The following BRIP1 variants were observed in gnomAD, a reference collection of about 807,000 sequenced individuals.
BRIP1 encodes Fanconi anemia group J protein.
BRIP1 carries 88 observed loss-of-function variants against 119.7 expected under a neutral mutation model. That is an observed-to-expected ratio of 0.74 (90% CI 0.62 to 0.88). The LOEUF is 0.88. Among genes scored for constraint, BRIP1 ranks in the 40% least tolerant of loss-of-function variants. The probability of loss-of-function intolerance (pLI) is 0.00; values close to 1 mark genes in which losing one functional copy is unlikely to be tolerated. For synonymous variants in BRIP1, 443 were observed against 496.5 expected (o/e 0.89, Z 1.43); for missense variants, 1,259 against 1,455.4 (o/e 0.87, Z 2.20).
intron 17 of BRIP1, among the ~76,000 whole-genome samples, chr17:61,707,928 C>A (rs1311695394): frequency 6.6e-6 from 1 of 151,356 alleles, no homozygotes; most frequent in African/African-American, 2.4e-5. Context: ...CTCACTGCAA[C>A]CTCCGCCTCC....
chr17:61,693,652 A>G lies in BRIP1; in HGVS notation c.2493-140T>C. Reference sequence around the variant, plus strand: ...TTTGTTATTATCAGAAAAGTTACAGAAGCTATCCAACACAATGTAACAAAC... The same window carrying G: ...TTTGTTATTATCAGAAAAGTTACAGGAGCTATCCAACACAATGTAACAAAC... On this transcript the variant is annotated intron_variant, in intron 17 of 19. Transcript: ENST00000259008. This position sits in a 1 kb window ranked among gnomAD's most constrained non-coding sequence, Gnocchi z 4.2. 1 of 723,552 alleles carries G rather than the reference A, an allele frequency of 1.4e-6. No individual in the cohort carries two copies. Among genetic ancestry groups the G allele is most frequent in the Non-Finnish European group, 2.4e-6 (1 of 425,254 alleles). 44.8% of individuals were successfully genotyped at this position (723,552 alleles called of 1,614,324 possible).
rs942015802 is a variant in BRIP1, at chr17:61,805,432, T to C, written c.918+3035A>G. On this transcript the variant is annotated intron_variant, in intron 7 of 19. Transcript: ENST00000259008. The surrounding 1 kb of genome is among the most constrained non-coding windows in gnomAD (Gnocchi z 5.6). ...CTTTCTCTAACCTCTACTGTTCTTA[T>C]TCTTCATACTGTGTCAACTTCTCCC... 1.3e-5 allele frequency among the ~76,000 whole-genome samples: 2 copies of C among 152,232 alleles called. No homozygotes were observed. Among genetic ancestry groups the C allele is most frequent in the African/African-American group, 4.8e-5 (2 of 41,468 alleles).
At chr17:61,836,743 C>T (rs569903783) in intron 6 of BRIP1, among the ~76,000 whole-genome samples, 1 of 152,064 alleles carries the variant, frequency 6.6e-6, no homozygotes, top group Non-Finnish European at 1.5e-5. Context: ...TTTGGGTAAG[C>T]ATTGTAAATG....
At position 61,686,802 on chromosome 17, in the gene BRIP1, A is replaced by G. The variant is rs2061371586; in HGVS notation, c.2576-637T>C. 6.6e-6 allele frequency among the ~76,000 whole-genome samples: 1 copy of G among 152,104 alleles called. No homozygotes were observed. Among genetic ancestry groups the G allele is most frequent in the Non-Finnish European group, 1.5e-5 (1 of 68,002 alleles). On this transcript the variant is annotated intron_variant, in intron 18 of 19. Transcript: ENST00000259008. This position sits in a 1 kb window ranked among gnomAD's most constrained non-coding sequence, Gnocchi z 5.4. ...GACATAAAAACTGCACAAAAATGAA[A>G]CCTAAGAGTTTAAGGTGTTTTCTAG... is the stretch of plus-strand genomic sequence containing the variant.
In BRIP1 at chr17:61,846,989, G is replaced by A. The variant is rs1034598319; in HGVS notation, c.627+112C>T. ...ATGTGACAGCATTGAGGACTTCTGA[G>A]TGGGTTGCTACTGTCCTTTGTATTA... is the stretch of plus-strand genomic sequence containing the variant. On this transcript the variant is annotated intron_variant, in intron 6 of 19. Transcript: ENST00000259008. This position sits in a 1 kb window ranked among gnomAD's most constrained non-coding sequence, Gnocchi z 4.3. 3.0e-6 allele frequency: 4 copies of A among 1,319,182 alleles called. No homozygotes were observed. Among genetic ancestry groups the A allele is most frequent in the Non-Finnish European group, 4.3e-6 (4 of 933,920 alleles). The allele number at this position is 1,319,182 out of a possible 1,614,324, so 81.7% of individuals were successfully genotyped here. A position where few individuals can be genotyped will look rare whatever the true frequency, so the allele number is the denominator to read the frequency against.
chr17:61,715,511 G>T (rs1317851910), intron 17 of BRIP1, among the ~76,000 whole-genome samples: 1 of 152,098 alleles, frequency 6.6e-6, no homozygotes, highest in African/African-American at 2.4e-5. Context: ...CGTACTGAAA[G>T]TACACTTTCA....
rs749241125 is a variant in BRIP1 at position 61,780,210 on chromosome 17, T to A, written c.1935+51A>T. On this transcript the variant is annotated intron_variant, in intron 13 of 19. Transcript: ENST00000259008. The surrounding 1 kb of genome is among the most constrained non-coding windows in gnomAD (Gnocchi z 5.4). ...ATCTTCTAACTTGTTTACATAGTTA[T>A]ATTGAAGTAGAAACACTGAAGGCCT... The A allele has an allele frequency of 1.3e-6, 2 of 1,555,114 alleles. No homozygotes were observed. Among genetic ancestry groups the A allele is most frequent in the East Asian group, 4.5e-5 (2 of 44,418 alleles).
In BRIP1 at chr17:61,704,709, T is replaced by C. The variant is rs1044915070; in HGVS notation, c.2493-11197A>G. Among the ~76,000 whole-genome samples, 1 of 152,194 alleles carries C rather than the reference T, an allele frequency of 6.6e-6. No homozygotes were observed. Among genetic ancestry groups the C allele is most frequent in the Admixed American group, 6.5e-5 (1 of 15,282 alleles). ...GAATTTTGGTATTTTGTGGGTTTTG[T>C]GGAATTAATCTACTTCATCTAAGTT... On this transcript the variant is annotated intron_variant, in intron 17 of 19. Coordinates refer to ENST00000259008, the MANE Select transcript of BRIP1 (RefSeq NM_032043.3). This position sits in a 1 kb window ranked among gnomAD's most constrained non-coding sequence, Gnocchi z 5.7.
Position 61,789,043 on chromosome 17 carries a change from T to A in BRIP1, c.1473+4554A>T, listed in dbSNP as rs1258211803. On this transcript the variant is annotated intron_variant, in intron 10 of 19. Transcript: ENST00000259008. This position sits in a 1 kb window ranked among gnomAD's most constrained non-coding sequence, Gnocchi z 4.8. The stretch of plus-strand genomic sequence containing the variant: ...CTGGGAGGCGGAGGTTGCAGTGGGC[T>A]GAGATCACACCACTGCACTCCAGCC... 6.6e-6 allele frequency among the ~76,000 whole-genome samples: 1 copy of A among 152,038 alleles called. No homozygotes were observed. The highest frequency in any genetic ancestry group is 1.5e-5 in the Non-Finnish European group (1 of 67,980).
At position 61,682,888 on chromosome 17, in the gene BRIP1, C is replaced by T. The variant is rs1169687845; in HGVS notation, c.*408G>A. On this transcript the variant is annotated 3_prime_UTR_variant, in exon 20 of 20. Transcript: ENST00000259008. This position sits in a 1 kb window ranked among gnomAD's most constrained non-coding sequence, Gnocchi z 4.9. ...TGGCTCACACCTGTAATCCCAGCAA[C>T]TTAGGGAGGCAGAGAAGGGCAGATC... 1.9e-5 allele frequency: 4 copies of T among 214,256 alleles called. No homozygotes were observed. Among genetic ancestry groups the T allele is most frequent in the Non-Finnish European group, 3.8e-5 (4 of 106,170 alleles). 13.3% of individuals were successfully genotyped at this position (214,256 alleles called of 1,614,324 possible).
At chr17:61,749,356 A>C (rs2077102415) in intron 14 of BRIP1, among the ~76,000 whole-genome samples, 1 of 152,160 alleles carries the variant, frequency 6.6e-6, no homozygotes. Context: ...AAATATCTGC[A>C]AACCATATAT....
At position 61,684,718 on chromosome 17, in the gene BRIP1, A is replaced by G. The variant is rs1302728515; in HGVS notation, c.2906-578T>C. 6.6e-6 allele frequency: 1 copy of G among 152,174 alleles called. No individual in the cohort carries two copies. The highest frequency in any genetic ancestry group is 2.4e-5 in the African/African-American group (1 of 41,396). 9.4% of individuals were successfully genotyped at this position (152,174 alleles called of 1,614,324 possible). On this transcript the variant is annotated intron_variant, in intron 19 of 19. Transcript: ENST00000259008. This position sits in a 1 kb window ranked among gnomAD's most constrained non-coding sequence, Gnocchi z 4.5. ...ATACAAAATTGTATTACTATTTTGT[A>G]GTACTTATATACTACAAAATACATG...
chr17:61,809,936 A>G lies in BRIP1; in HGVS notation c.628-1179T>C, dbSNP rs570491384. 1.4e-4 allele frequency among the ~76,000 whole-genome samples: 22 copies of G among 152,332 alleles called. No individual in the cohort carries two copies. Among genetic ancestry groups the G allele is most frequent in the African/African-American group, 5.3e-4 (22 of 41,580 alleles). Reference sequence around the variant, plus strand: ...TCTTTTAGCCTCAACTCAGTGGAAAAGCAAGTTCAAATTACTCCCAGTCTC... The same window carrying G: ...TCTTTTAGCCTCAACTCAGTGGAAAGGCAAGTTCAAATTACTCCCAGTCTC... On this transcript the variant is annotated intron_variant, in intron 6 of 19. Transcript: ENST00000259008. The surrounding 1 kb of genome is among the most constrained non-coding windows in gnomAD (Gnocchi z 5.2).
Position 61,853,873 on chromosome 17 carries a change from C to A in BRIP1, c.379+3185G>T, listed in dbSNP as rs1326710841. Among the ~76,000 whole-genome samples the A allele has an allele frequency of 6.6e-6, 1 of 151,954 alleles. No individual in the cohort carries two copies. Among genetic ancestry groups the A allele is most frequent in the Non-Finnish European group, 1.5e-5 (1 of 67,992 alleles). On this transcript the variant is annotated intron_variant, in intron 4 of 19. Transcript: ENST00000259008. The surrounding 1 kb of genome is among the most constrained non-coding windows in gnomAD (Gnocchi z 4.3). ...AACTAATAAAAAATAGGCAATTATTCGAACAGACATATCATCAAACAAGAT... is the reference window on the plus strand; with the variant it reads ...AACTAATAAAAAATAGGCAATTATTAGAACAGACATATCATCAAACAAGAT...
At chr17:61,849,530 A>G (rs2078787025) in intron 4 of BRIP1, among the ~76,000 whole-genome samples, 1 of 152,214 alleles carries the variant, frequency 6.6e-6, no homozygotes, top group African/African-American at 2.4e-5. Flanking sequence ...ATGATTTAAA[A>G]TGTATAACTG....
chr17:61,721,702 T>TC (rs931968809), intron 16 of BRIP1, among the ~76,000 whole-genome samples: 2 of 139,362 alleles, frequency 1.4e-5, no homozygotes, highest in Non-Finnish European at 3.1e-5. Context: ...CTTTTTTTTT[T>TC]TTTTTTTTTT....
chr17:61,824,715 G>A lies in BRIP1; in HGVS notation c.628-15958C>T, dbSNP rs1158413979. Among the ~76,000 whole-genome samples the A allele has an allele frequency of 3.9e-5, 6 of 152,022 alleles. No individual in the cohort carries two copies. The highest frequency in any genetic ancestry group is 9.7e-5 in the African/African-American group (4 of 41,380). On this transcript the variant is annotated intron_variant, in intron 6 of 19. Transcript: ENST00000259008. This position sits in a 1 kb window ranked among gnomAD's most constrained non-coding sequence, Gnocchi z 4.3. ...ACCATAAAACTTTTCCAAAAGCACTGGTGATAAAAAATGGACTTCATGAGA... is the reference window on the plus strand; with the variant it reads ...ACCATAAAACTTTTCCAAAAGCACTAGTGATAAAAAATGGACTTCATGAGA...
rs990942022 is a variant in BRIP1 at position 61,752,856 on chromosome 17, A to T, written c.2098-8265T>A. Among the ~76,000 whole-genome samples, 3 of 152,224 alleles carry T rather than the reference A, an allele frequency of 2.0e-5. No homozygotes were observed. The highest frequency in any genetic ancestry group is 2.9e-5 in the Non-Finnish European group (2 of 68,032). ...TGGTGTTGGATGGGACATGACAGGGAAGGGAGAAAAAGGTTCACAGGTGCT... is the reference window on the plus strand; with the variant it reads ...TGGTGTTGGATGGGACATGACAGGGTAGGGAGAAAAAGGTTCACAGGTGCT... On this transcript the variant is annotated intron_variant, in intron 14 of 19. Coordinates refer to ENST00000259008, the MANE Select transcript of BRIP1 (RefSeq NM_032043.3). This position sits in a 1 kb window ranked among gnomAD's most constrained non-coding sequence, Gnocchi z 6.2.
chr17:61,836,806 C>T (rs978316932), intron 6 of BRIP1, among the ~76,000 whole-genome samples: 10 of 152,094 alleles, frequency 6.6e-5, no homozygotes, highest in Non-Finnish European at 1.5e-5. Context: ...AATAAATAAC[C>T]TGCATGGTAA....
Sources: gnomAD v4.1 joint callset for allele counts (sites outside exome capture counted in the v4.1 genomes callset) on GRCh38, gnomAD v4.1.1 for gene constraint, Gnocchi (gnomAD v3.1) non-coding constraint, MANE v1.5 for transcripts, NCBI Gene and HGNC (gene_info 2026-07-23, HGNC 2026-07-21) for gene names.